AP2A2: variants seen among roughly 807,000 people sequenced by gnomAD.
AP2A2 encodes adaptor related protein complex 2 subunit alpha 2.
A neutral mutation model predicts 104.2 loss-of-function variants in AP2A2; 32 were observed. The ratio of observed to expected loss-of-function variants is 0.31; its 90% CI spans 0.23 to 0.41. The LOEUF (loss-of-function observed/expected upper bound fraction) is 0.41, where lower values mean the gene tolerates loss of function less well. Ranked by LOEUF, AP2A2 falls within the 10% of genes least tolerant of loss-of-function variation. The pLI is 1.00. For synonymous variants in AP2A2, 539 were observed against 533.3 expected, an observed-to-expected ratio of 1.01 and a Z score of -0.15; for missense variants, 912 against 1,261.0, an observed-to-expected ratio of 0.72 and a Z score of 4.19.
chr11:941,944 T>A (rs1343051223), intron 1 of AP2A2, among the ~76,000 whole-genome samples: 1 of 151,464 alleles, frequency 6.6e-6, no homozygotes, highest in Admixed American at 6.6e-5. Context: ...TATTTATATT[T>A]GAGATGGAGT....
At chr11:946,304 G>C (rs1164733037) in intron 1 of AP2A2, among the ~76,000 whole-genome samples, 1 of 152,184 alleles carries the variant, frequency 6.6e-6, no homozygotes, top group East Asian at 1.9e-4. Context: ...TACTGGAGGG[G>C]ACACATGAAG....
At chr11:942,357 A>C (rs1285773835) in intron 1 of AP2A2, 1 of 152,240 alleles carries the variant, frequency 6.6e-6, no homozygotes, top group Non-Finnish European at 1.5e-5. Context: ...AGCAAGTAGG[A>C]AGGACCTTGT....
chr11:926,096 G>T lies in AP2A2; in HGVS notation c.67+8G>T. The T allele has an allele frequency of 7.6e-7, 1 of 1,316,880 alleles. No homozygotes were observed. Among genetic ancestry groups the T allele is most frequent in the South Asian group, 2.2e-5 (1 of 44,670 alleles). The allele number at this position is 1,316,880 out of a possible 1,614,324, so 81.6% of individuals were successfully genotyped here. A position where few individuals can be genotyped will look rare whatever the true frequency, so the allele number is the denominator to read the frequency against. On this transcript the variant is annotated splice_region_variant and intron_variant, in intron 1 of 21. Coordinates refer to ENST00000448903, the MANE Select transcript of AP2A2 (RefSeq NM_012305.4). ...TCTCGGATATCCGCAACTGTGAGTG[G>T]CGGGGGCGGCGTGGGGCCGGGGCCG...
At chr11:982,338 A>G (rs1218935918) in intron 6 of AP2A2, among the ~76,000 whole-genome samples, 2 of 152,174 alleles carry the variant, frequency 1.3e-5, no homozygotes, top group Non-Finnish European at 2.9e-5. Flanking sequence ...GGCGTGAGCC[A>G]CCGCACCCGG....
At chr11:980,713 C>A (rs1489520067) in intron 5 of AP2A2, among the ~76,000 whole-genome samples, 1 of 152,218 alleles carries the variant, frequency 6.6e-6, no homozygotes, top group Non-Finnish European at 1.5e-5. Flanking sequence ...GGCCACTTTC[C>A]AAAAAGGAGA....
At chr11:970,847 C>A (rs72850167) in intron 3 of AP2A2, among the ~76,000 whole-genome samples, 1 of 152,202 alleles carries the variant, frequency 6.6e-6, no homozygotes, top group Non-Finnish European at 1.5e-5. Flanking sequence ...GGTCTTGGTG[C>A]GGAGGGTGCT....
chr11:988,549 C>T lies in AP2A2; in HGVS notation c.1132-3C>T, dbSNP rs1001264133. On this transcript the variant is annotated splice_region_variant and splice_polypyrimidine_tract_variant and intron_variant, in intron 9 of 21. Coordinates refer to ENST00000448903, the MANE Select transcript of AP2A2 (RefSeq NM_012305.4). ...ACCTCTTACTCTGTGCCTTGTTCCC[C>T]AGACTGAGCGGGACGTGAGCGTGCG... 6.2e-7 allele frequency: 1 copy of T among 1,610,296 alleles called. No homozygotes were observed. Among genetic ancestry groups the T allele is most frequent in the Non-Finnish European group, 8.5e-7 (1 of 1,179,706 alleles).
chr11:998,366 C>CT (rs1028712577), intron 14 of AP2A2, among the ~76,000 whole-genome samples: 1 of 149,212 alleles, frequency 6.7e-6, no homozygotes, highest in African/African-American at 2.5e-5. Context: ...TGACCTGCAC[C>CT]TTTTTTGCAT....
intron 6 of AP2A2, 187 bp downstream of exon 6, chr11:981,486 C>T (rs1158127722): frequency 4.2e-5 from 24 of 574,498 alleles, no homozygotes; most frequent in Non-Finnish European, 3.1e-6. Flanking sequence ...GCTCCCTGTT[C>T]CCATGGTGTG....
intron 3 of AP2A2, among the ~76,000 whole-genome samples, 178 bp from the exon 4 acceptor site, chr11:971,884 A>T (rs7945582): frequency 6.6e-6 from 1 of 152,098 alleles, no homozygotes; most frequent in African/African-American, 2.4e-5. Context: ...CCTCGGTTCC[A>T]CTGGAACAGA....
chr11:994,176 C>T lies in AP2A2; in HGVS notation c.1887C>T (p.Asp629=). 1 of 1,613,090 alleles carries T rather than the reference C, an allele frequency of 6.2e-7. No homozygotes were observed. Among genetic ancestry groups the T allele is most frequent in the Non-Finnish European group, 8.5e-7 (1 of 1,179,864 alleles). The change falls in exon 14 of 22, where the codon GAC becomes GAT. Residue 629 remains aspartate, a synonymous_variant. Coordinates refer to ENST00000448903, the MANE Select transcript of AP2A2 (RefSeq NM_012305.4). ...CCAGCACGGTGACAGACCTGGAGGA[C>T]ACCAAGCGGGACAGGAGTGTGGACG... is the stretch of plus-strand genomic sequence containing the variant. The part of the protein sequence containing the change: ...KGPSTVTDLE[D]TKRDRSVDVN...
rs1215161555 is a variant in AP2A2 at position 970,267 on chromosome 11, G to T, written c.235G>T (p.Ala79Ser). 6.2e-7 allele frequency: 1 copy of T among 1,613,984 alleles called. No homozygotes were observed. The highest frequency in any genetic ancestry group is 2.2e-5 in the East Asian group (1 of 44,880). Residue 79 changes from alanine to serine, a missense_variant, in exon 3 of 22, where the codon GCT (alanine) becomes TCT (serine). This residue lies in a region of AP2A2 where 17 missense variants were observed against 57.3 expected (regional missense o/e 0.30). Transcript: ENST00000448903. ...TGACATTGACTTTGGACACATGGAGGCTGTGAACCTGCTGAGTTCAAACAG... is the reference window on the plus strand; with the variant it reads ...TGACATTGACTTTGGACACATGGAGTCTGTGAACCTGCTGAGTTCAAACAG... The part of the protein sequence containing the change: ...GHDIDFGHME[A>S]VNLLSSNRYT...
At chr11:945,103 G>C (rs1241678480) in intron 1 of AP2A2, among the ~76,000 whole-genome samples, 3 of 152,072 alleles carry the variant, frequency 2.0e-5, no homozygotes, top group African/African-American at 7.2e-5. Context: ...GATGGGATGT[G>C]GGGGATGGTC....
At chr11:964,475 GA>G (rs1554886403) in intron 2 of AP2A2, among the ~76,000 whole-genome samples, 1 of 152,222 alleles carries the variant, frequency 6.6e-6, no homozygotes, top group South Asian at 2.1e-4. Flanking sequence ...GAACAGGGCA[GA>G]AAAAGCTTGA....
chr11:983,593 C>T (rs903925581), intron 6 of AP2A2, among the ~76,000 whole-genome samples: 35 of 151,878 alleles, frequency 2.3e-4, no homozygotes, highest in African/African-American at 5.6e-4. Flanking sequence ...CTGTGTTAGC[C>T]AGGATGGTCT....
At chr11:956,470 A>G (rs1157569896) in intron 1 of AP2A2, among the ~76,000 whole-genome samples, 2 of 152,224 alleles carry the variant, frequency 1.3e-5, no homozygotes, top group African/African-American at 4.8e-5. Context: ...AATAGAATAA[A>G]AAGTGACTTA....
intron 18 of AP2A2, 188 bp from the exon 19 acceptor site, chr11:1,008,912 C>T (rs1856303890): frequency 1.7e-6 from 1 of 603,218 alleles, no homozygotes; most frequent in Non-Finnish European, 2.9e-6. Context: ...CTGGCCTGTC[C>T]TCCTGTCTGT....
intron 18 of AP2A2, 37 bp downstream of exon 18, chr11:1,008,172 GT>G (rs1259106685): frequency 6.4e-7 from 1 of 1,563,222 alleles, no homozygotes; most frequent in Non-Finnish European, 8.7e-7. Flanking sequence ...CAAGGGGTGT[GT>G]GGGCGCCTGA....
At chr11:969,650 G>T (rs543171915) in intron 2 of AP2A2, among the ~76,000 whole-genome samples, 35 of 152,350 alleles carry the variant, frequency 2.3e-4, no homozygotes, top group African/African-American at 8.4e-4. Flanking sequence ...CGATGAGGCA[G>T]AGAAACAGAA....
Sources: allele counts gnomAD v4.1 joint callset (sites outside exome capture counted in the v4.1 genomes callset), GRCh38; gene constraint gnomAD v4.1.1; regional missense constraint gnomAD v4.1.1; transcripts MANE v1.5; gene names NCBI Gene and HGNC (gene_info 2026-07-23, HGNC 2026-07-21).